Variants in STXBP5L observed in about 807,000 individuals in gnomAD.
STXBP5L encodes the protein syntaxin binding protein 5L, also known as syntaxin-binding protein 5-like.
In STXBP5L, 65 loss-of-function variants were observed where a neutral mutation model predicts 144.5. That is an observed-to-expected ratio of 0.45 (90% confidence interval 0.37 to 0.55). The LOEUF is 0.55. Among genes scored for constraint, STXBP5L ranks in the 20% least tolerant of loss-of-function variants. The pLI is 0.00. For missense variants in STXBP5L, 1,298 were observed against 1,405.5 expected (o/e 0.92, Z 1.22); for synonymous variants, 505 against 469.6 (o/e 1.08, Z -0.97).
At chr3:121,394,575 A>ATGC (rs2046678473) in intron 22 of STXBP5L, among the ~76,000 whole-genome samples, 2 of 126,560 alleles carry the variant, frequency 1.6e-5, no homozygotes, top group African/African-American at 2.9e-5. Context: ...TTTGAAGCAT[A>ATGC]TTCTTTGTAT....
chr3:121,061,851 C>A (rs764298901), intron 5 of STXBP5L, among the ~76,000 whole-genome samples: 7 of 152,098 alleles, frequency 4.6e-5, no homozygotes, highest in Non-Finnish European at 8.8e-5. Context: ...TTATTTTGAG[C>A]CTATGTGTGT....
intron 2 of STXBP5L, among the ~76,000 whole-genome samples, chr3:120,916,403 C>T (rs1333560467): frequency 1.3e-5 from 2 of 152,008 alleles, no homozygotes; most frequent in African/African-American, 2.4e-5. Flanking sequence ...TGGGTTCAAG[C>T]GATTCTCCTG....
chr3:121,042,504 A>G (rs1947229766), intron 4 of STXBP5L, among the ~76,000 whole-genome samples: 1 of 152,178 alleles, frequency 6.6e-6, no homozygotes, highest in African/African-American at 2.4e-5. Flanking sequence ...AGTTTGTGCC[A>G]TGCCAAATGC....
intron 22 of STXBP5L, among the ~76,000 whole-genome samples, chr3:121,388,581 T>C (rs1485076626): frequency 1.3e-5 from 2 of 152,182 alleles, no homozygotes; most frequent in Non-Finnish European, 2.9e-5. Flanking sequence ...ATACCTAGTT[T>C]ATTGAGAGTT....
intron 11 of STXBP5L, among the ~76,000 whole-genome samples, chr3:121,231,174 C>A (rs958956235): frequency 1.3e-5 from 2 of 152,032 alleles, no homozygotes; most frequent in Non-Finnish European, 2.9e-5. Context: ...CCATTTTGGC[C>A]AGCAGTGGGG....
rs35656223 is a variant in STXBP5L at position 120,984,632 on chromosome 3, C to CTTTTTTTTTTTTTT, written c.287+29604_287+29617dup. Among the ~76,000 whole-genome samples the CTTTTTTTTTTTTTT allele has an allele frequency of 1.1e-3, 77 of 71,962 alleles. 1 individual carries two copies. Among genetic ancestry groups the CTTTTTTTTTTTTTT allele is most frequent in the African/African-American group, 2.5e-3 (40 of 16,282 alleles). The allele number at this position is 71,962 out of a possible 152,430, so 47.2% of individuals were successfully genotyped here. ...TGGATGCCTTTCATTTCTTTCTTTC[C>CTTTTTTTTTTTTTT]TTTTTTTTTTTTTTTTTTTTTTGCC... is the stretch of plus-strand genomic sequence containing the variant. On this transcript the variant is annotated intron_variant, in intron 3 of 26. Transcript: ENST00000471454.
At chr3:121,135,342 C>G (rs2045198792) in intron 7 of STXBP5L, among the ~76,000 whole-genome samples, 1 of 152,122 alleles carries the variant, frequency 6.6e-6, no homozygotes, top group African/African-American at 2.4e-5. Context: ...CAAAAATTTT[C>G]TCCCATTCTG....
intron 2 of STXBP5L, among the ~76,000 whole-genome samples, chr3:120,940,648 A>C (rs1008478052): frequency 9.9e-5 from 15 of 151,220 alleles, no homozygotes; most frequent in African/African-American, 1.7e-4. Context: ...AAAAAAAAAA[A>C]CAGTGGAATT....
intron 6 of STXBP5L, among the ~76,000 whole-genome samples, 176 bp from the exon 7 acceptor site, chr3:121,121,465 T>G (rs1318678330): frequency 1.3e-5 from 2 of 151,374 alleles, no homozygotes; most frequent in Non-Finnish European, 3.0e-5. Flanking sequence ...TTGCAATTAG[T>G]AAACAGAAAT....
intron 19 of STXBP5L, among the ~76,000 whole-genome samples, chr3:121,299,199 A>G (rs902281626): frequency 6.6e-6 from 1 of 152,166 alleles, no homozygotes; most frequent in Non-Finnish European, 1.5e-5. Flanking sequence ...TCATTTTTTG[A>G]AAACAGTATT....
intron 5 of STXBP5L, among the ~76,000 whole-genome samples, chr3:121,106,037 T>A (rs752748840): frequency 7.2e-5 from 11 of 152,196 alleles, no homozygotes; most frequent in Non-Finnish European, 4.4e-5. Context: ...TGTGTTTTGA[T>A]CATTAATGGC....
chr3:121,206,871 T>A (rs1175564716), intron 10 of STXBP5L, among the ~76,000 whole-genome samples: 2 of 152,144 alleles, frequency 1.3e-5, no homozygotes, highest in Non-Finnish European at 2.9e-5. Context: ...TACTTGGCAA[T>A]AATAATTAGT....
intron 14 of STXBP5L, among the ~76,000 whole-genome samples, chr3:121,244,909 G>A (rs759048860): frequency 6.6e-6 from 1 of 152,052 alleles, no homozygotes; most frequent in African/African-American, 2.4e-5. Flanking sequence ...ATCACAACTA[G>A]ACATGTCTTA....
chr3:121,081,531 T>G (rs892056572), intron 5 of STXBP5L, among the ~76,000 whole-genome samples: 1 of 152,336 alleles, frequency 6.6e-6, no homozygotes. Flanking sequence ...AGTTATATAC[T>G]TGGTATATGG....
At chr3:121,115,544 C>A (rs1019065270) in intron 6 of STXBP5L, among the ~76,000 whole-genome samples, 4 of 152,140 alleles carry the variant, frequency 2.6e-5, no homozygotes, top group Admixed American at 1.3e-4. Context: ...ACCACTTTGG[C>A]TTTGGCACTG....
At chr3:120,979,500 C>T (rs1015121240) in intron 3 of STXBP5L, among the ~76,000 whole-genome samples, 11 of 152,100 alleles carry the variant, frequency 7.2e-5, no homozygotes, top group South Asian at 2.1e-4. Flanking sequence ...TTGTGCTTCC[C>T]GAGTGAAGCA....
intron 9 of STXBP5L, among the ~76,000 whole-genome samples, chr3:121,199,255 C>T (rs1005296714): frequency 1.3e-5 from 2 of 151,888 alleles, no homozygotes; most frequent in Admixed American, 6.6e-5. Flanking sequence ...TATGAATAGG[C>T]GTTCACTCAT....
At chr3:121,266,274 T>C (rs1024682767) in intron 18 of STXBP5L, among the ~76,000 whole-genome samples, 5 of 152,150 alleles carry the variant, frequency 3.3e-5, no homozygotes, top group African/African-American at 1.2e-4. Flanking sequence ...AAAAAGCTTA[T>C]CCACCACGAT....
chr3:121,141,693 G>A (rs150398748), intron 7 of STXBP5L, among the ~76,000 whole-genome samples: 5 of 152,170 alleles, frequency 3.3e-5, no homozygotes, highest in Admixed American at 3.3e-4. Flanking sequence ...TGAACTTAAG[G>A]TGTTATTGCT....
Sources: gnomAD v4.1 joint callset for allele counts (sites outside exome capture counted in the v4.1 genomes callset) on GRCh38, gnomAD v4.1.1 for gene constraint, MANE v1.5 for transcripts, NCBI Gene and HGNC (gene_info 2026-07-23, HGNC 2026-07-21) for gene names.